The following CLHC1 variants were observed in gnomAD, a reference collection of about 807,000 sequenced individuals.
CLHC1 encodes clathrin heavy chain linker domain-containing protein 1.
A neutral mutation model predicts 69.5 loss-of-function variants in CLHC1; 72 were observed. The ratio of observed to expected loss-of-function variants is 1.04; its 90% confidence interval spans 0.86 to 1.26. The LOEUF (loss-of-function observed/expected upper bound fraction) is 1.26, where lower values mean the gene tolerates loss of function less well. Ranked by LOEUF, CLHC1 falls within the 50% of genes most tolerant of loss-of-function variation. The probability of loss-of-function intolerance (pLI) is 0.00; values close to 1 mark genes in which losing one functional copy is unlikely to be tolerated. For synonymous variants in CLHC1, 223 were observed against 224.3 expected (o/e 0.99, Z 0.05); for missense variants, 790 against 679.3 (o/e 1.16, Z -1.81).
At chr2:55,181,823 GTGCCTT>G in intron 9 of CLHC1, 79 bp from the exon 10 acceptor site, 1 of 1,094,126 alleles carries the variant, frequency 9.1e-7, no homozygotes, top group Non-Finnish European at 1.3e-6. Flanking sequence ...TACTATTTTT[GTGCCTT>G]TGCTTTTCTA....
Position 55,174,448 on chromosome 2 carries a change from G to C in CLHC1, c.*1342C>G, listed in dbSNP as rs567927268. Among the ~76,000 whole-genome samples, 1 of 152,192 alleles carries C rather than the reference G, an allele frequency of 6.6e-6. No individual in the cohort carries two copies. Among genetic ancestry groups the C allele is most frequent in the African/African-American group, 2.4e-5 (1 of 41,456 alleles). On this transcript the variant is annotated 3_prime_UTR_variant, in exon 13 of 13. Coordinates refer to ENST00000401408, the MANE Select transcript of CLHC1 (RefSeq NM_152385.4). ...TGAGTAGACATATGGGATTTAGTAA[G>C]TACAAACTAAGTAGAGAAATGTGTG...
At chr2:55,220,159 T>G (rs1047999416) in intron 3 of CLHC1, among the ~76,000 whole-genome samples, 3 of 152,244 alleles carry the variant, frequency 2.0e-5, no homozygotes, top group African/African-American at 7.2e-5. Flanking sequence ...TCCTCCTTGC[T>G]TTGATTCAGG....
At chr2:55,227,616 T>A (rs1462577303) in intron 2 of CLHC1, among the ~76,000 whole-genome samples, 6 of 148,700 alleles carry the variant, frequency 4.0e-5, no homozygotes, top group African/African-American at 1.5e-4. Context: ...AGGTGGAGGT[T>A]GCAGTGAGCC....
rs142880983 is a variant in CLHC1, at chr2:55,206,238, T to C, written c.1006+32A>G. The C allele has an allele frequency of 1.2e-3, 1,461 of 1,245,496 alleles. 7 individuals carry two copies. In the African/African-American group the frequency reaches 0.013, roughly 11 times the overall value. The allele number at this position is 1,245,496 out of a possible 1,614,324, so 77.2% of individuals were successfully genotyped here. Reference sequence around the variant, plus strand: ...TGAGAGAAAAAGTAGTAAATTTTCATACATATATAAGGTTCAGAGAGAAAT... The same window carrying C: ...TGAGAGAAAAAGTAGTAAATTTTCACACATATATAAGGTTCAGAGAGAAAT... On this transcript the variant is annotated intron_variant, in intron 9 of 12. Coordinates refer to ENST00000401408, the MANE Select transcript of CLHC1 (RefSeq NM_152385.4).
In CLHC1 at chr2:55,206,355, A is replaced by C. The variant is rs757038566; in HGVS notation, c.921T>G (p.Leu307=). Reference sequence around the variant, plus strand: ...AACAAGCTGCCTTTTCATATTCACCAAGTGAGATTAACTCATTAAACCTAT... The same window carrying C: ...AACAAGCTGCCTTTTCATATTCACCCAGTGAGATTAACTCATTAAACCTAT... ...YIERFNELIS[L]GEYEKAACYA... Residue 307 remains leucine, a synonymous_variant, in exon 9 of 13, where the codon CTT becomes CTG. Transcript: ENST00000401408. 3.9e-5 allele frequency: 62 copies of C among 1,603,464 alleles called. No homozygotes were observed. Among genetic ancestry groups the C allele is most frequent in the Non-Finnish European group, 4.3e-6 (5 of 1,171,208 alleles).
chr2:55,193,689 G>A (rs6747364), intron 9 of CLHC1, among the ~76,000 whole-genome samples: 47,121 of 151,960 alleles, frequency 0.31, 7,585 homozygotes, highest in African/African-American at 0.37. Context: ...AATGGAAAAC[G>A]GTGCAACCAA....
chr2:55,207,583 A>T (rs1473172321), intron 8 of CLHC1, among the ~76,000 whole-genome samples: 1 of 152,176 alleles, frequency 6.6e-6, no homozygotes, highest in African/African-American at 2.4e-5. Flanking sequence ...ACATATAAAG[A>T]CCAGGAATAT....
intron 4 of CLHC1, among the ~76,000 whole-genome samples, chr2:55,213,080 C>G (rs1673166476): frequency 6.6e-6 from 1 of 152,156 alleles, no homozygotes; most frequent in East Asian, 1.9e-4. Context: ...TAGAAAATTA[C>G]TTTTGTAATT....
intron 3 of CLHC1, among the ~76,000 whole-genome samples, chr2:55,219,330 G>A (rs1673891257): frequency 6.6e-6 from 1 of 152,126 alleles, no homozygotes; most frequent in Admixed American, 6.6e-5. Context: ...CTTTAAGAAT[G>A]CACAGAAAAT....
intron 9 of CLHC1, among the ~76,000 whole-genome samples, chr2:55,190,372 A>G (rs1670806679): frequency 6.6e-6 from 1 of 152,162 alleles, no homozygotes; most frequent in African/African-American, 2.4e-5. Flanking sequence ...CTTGCATCCA[A>G]TCAAAAATTT....
chr2:55,208,559 T>C, intron 8 of CLHC1, 67 bp downstream of exon 8: 1 of 940,972 alleles, frequency 1.1e-6, no homozygotes, highest in Non-Finnish European at 1.7e-6. Context: ...CCCAATCTGG[T>C]ATGTTATTCA....
In CLHC1 at chr2:55,229,166, A is replaced by AG. The variant is rs1284834701; in HGVS notation, c.-255-963_-255-962insC. Among the ~76,000 whole-genome samples the AG allele has an allele frequency of 7.0e-3, 1,033 of 148,624 alleles. 10 individuals carry two copies. Among genetic ancestry groups the AG allele is most frequent in the African/African-American group, 0.024 (967 of 40,596 alleles). On this transcript the variant is annotated intron_variant, in intron 1 of 12. Transcript: ENST00000401408. The stretch of plus-strand genomic sequence containing the variant: ...ATTCTGTCTCAAAAAAAAAAAAAAA[A>AG]AAAGAAAGAAAAAAATTATATATAT...
At position 55,182,552 on chromosome 2, in the gene CLHC1, T is replaced by C. The variant is rs1021002243; in HGVS notation, c.1007-808A>G. ...AATAAATTTACCACCATATCTTATT[T>C]CCTAGATTTTTCTTTAATTCTCCTC... On this transcript the variant is annotated intron_variant, in intron 9 of 12. Coordinates refer to ENST00000401408, the MANE Select transcript of CLHC1 (RefSeq NM_152385.4). Among the ~76,000 whole-genome samples the C allele has an allele frequency of 2.6e-5, 4 of 152,210 alleles. No individual in the cohort carries two copies. In the East Asian group the frequency reaches 5.8e-4, roughly 22 times the overall value.
At chr2:55,202,102 A>G (rs1215548690) in intron 9 of CLHC1, among the ~76,000 whole-genome samples, 2 of 152,188 alleles carry the variant, frequency 1.3e-5, no homozygotes, top group Admixed American at 6.5e-5. Flanking sequence ...GATCTGGAAC[A>G]CAACAAAGAT....
chr2:55,195,927 G>C (rs1671369297), intron 9 of CLHC1, among the ~76,000 whole-genome samples: 1 of 152,230 alleles, frequency 6.6e-6, no homozygotes, highest in Non-Finnish European at 1.5e-5. Flanking sequence ...GTTACTGAAA[G>C]AGGCACTGAA....
intron 9 of CLHC1, among the ~76,000 whole-genome samples, chr2:55,184,021 C>T (rs1315446063): frequency 1.3e-5 from 2 of 152,066 alleles, no homozygotes; most frequent in Non-Finnish European, 2.9e-5. Context: ...CCTCGTGATC[C>T]GCCTGCCTTG....
At chr2:55,191,093 T>C (rs1005726373) in intron 9 of CLHC1, among the ~76,000 whole-genome samples, 1 of 151,992 alleles carries the variant, frequency 6.6e-6, no homozygotes, top group Admixed American at 6.6e-5. Context: ...ACAGAAAAAG[T>C]CTATCTAGCA....
chr2:55,179,883 G>A (rs560885282), intron 11 of CLHC1, among the ~76,000 whole-genome samples: 25 of 152,146 alleles, frequency 1.6e-4, no homozygotes, highest in East Asian at 7.7e-4. Context: ...GGCTGGGTGC[G>A]GTGGCTCACA....
chr2:55,222,131 G>A, intron 3 of CLHC1, 104 bp downstream of exon 3: 1 of 772,732 alleles, frequency 1.3e-6, no homozygotes, highest in Non-Finnish European at 2.1e-6. Context: ...CAAATGGAAT[G>A]TTATCATTCA....
Sources: gnomAD v4.1 joint callset for allele counts (sites outside exome capture counted in the v4.1 genomes callset) on GRCh38, gnomAD v4.1.1 for gene constraint, MANE v1.5 for transcripts, NCBI Gene and HGNC (gene_info 2026-07-23, HGNC 2026-07-21) for gene names.